Variants in TRIM33 observed in about 807,000 individuals in gnomAD.
TRIM33 encodes the protein E3 ubiquitin-protein ligase TRIM33.
Under a neutral mutation model 125.4 loss-of-function variants are expected in TRIM33, and 20 were observed. The ratio of observed to expected loss-of-function variants is 0.16; its 90% CI spans 0.11 to 0.23. TRIM33 has a LOEUF of 0.23. TRIM33 is among the 10% of genes least tolerant of loss of function. The pLI is 1.00. For missense variants in TRIM33, 920 were observed against 1,411.4 expected, an observed-to-expected ratio of 0.65 and a Z score of 5.58; for synonymous variants, 564 against 513.9, an observed-to-expected ratio of 1.10 and a Z score of -1.32.
chr1:114,502,668 G>A (rs975327473), intron 1 of TRIM33, among the ~76,000 whole-genome samples: 1 of 151,814 alleles, frequency 6.6e-6, no homozygotes, highest in Admixed American at 6.6e-5. Context: ...CACCACACTC[G>A]GATAATTTTT....
intron 1 of TRIM33, among the ~76,000 whole-genome samples, chr1:114,502,069 A>G (rs989779313): frequency 1.3e-5 from 2 of 152,242 alleles, no homozygotes; most frequent in Admixed American, 6.5e-5. Flanking sequence ...AGACTGTCAT[A>G]AACATGAAAA....
At chr1:114,474,039 C>T (rs536991913) in intron 1 of TRIM33, among the ~76,000 whole-genome samples, 4 of 152,030 alleles carry the variant, frequency 2.6e-5, no homozygotes, top group South Asian at 2.1e-4. Flanking sequence ...GTTAGGACTA[C>T]GGGCATACAC....
chr1:114,452,727 TAAAAAAAAAA>T (rs34364866), intron 4 of TRIM33, among the ~76,000 whole-genome samples: 2 of 107,726 alleles, frequency 1.9e-5, no homozygotes, highest in Non-Finnish European at 3.7e-5. Context: ...CCCCATCTCT[TAAAAAAAAAA>T]AAAAAAAAAA....
At chr1:114,491,203 A>G (rs751041941) in intron 1 of TRIM33, among the ~76,000 whole-genome samples, 6 of 152,340 alleles carry the variant, frequency 3.9e-5, no homozygotes, top group Non-Finnish European at 8.8e-5. Context: ...TATTAATATA[A>G]GATCAAATAG....
At chr1:114,499,716 T>C (rs1490140808) in intron 1 of TRIM33, among the ~76,000 whole-genome samples, 1 of 152,158 alleles carries the variant, frequency 6.6e-6, no homozygotes, top group East Asian at 1.9e-4. Context: ...CATAAAGCCC[T>C]AGTGAACAGG....
At chr1:114,412,248 T>C (rs191487143) in intron 11 of TRIM33, among the ~76,000 whole-genome samples, 1 of 152,354 alleles carries the variant, frequency 6.6e-6, no homozygotes, top group African/African-American at 2.4e-5. Context: ...AATTTAAATG[T>C]GTAATTACTT....
In TRIM33 at chr1:114,465,915, C is replaced by T. The variant is rs183268034; in HGVS notation, c.527-1527G>A. ...AAAGTCAGCCGGGTGTGGTGGCACG[C>T]GCCTGTATTCCCAGCTACTCAGGAG... On this transcript the variant is annotated intron_variant, in intron 1 of 19. Transcript: ENST00000358465. Among the ~76,000 whole-genome samples, 51 of 151,942 alleles carry T rather than the reference C, an allele frequency of 3.4e-4. 1 individual carries two copies. The East Asian group carries it at 8.9e-3, about 27-fold the overall frequency.
At chr1:114,411,965 C>A (rs1042938467) in intron 11 of TRIM33, among the ~76,000 whole-genome samples, 9 of 152,050 alleles carry the variant, frequency 5.9e-5, no homozygotes, top group African/African-American at 1.9e-4. Context: ...AGTAAAAACA[C>A]AGTCCAATAG....
chr1:114,511,108 GCGCCGCCCGCCGCCCGCGT>G lies in TRIM33; in HGVS notation c.-51_-33del. On this transcript the variant is annotated 5_prime_UTR_variant, in exon 1 of 20. Coordinates refer to ENST00000358465, the MANE Select transcript of TRIM33 (RefSeq NM_015906.4). ...CTCTTTGAACCCGCCGGACCGCCCC[GCGCCGCCCGCCGCCCGCGT>G]CGCCGCCGCCGCCGCCCCCAGCCCC... is the stretch of plus-strand genomic sequence containing the variant. 1 of 1,144,478 alleles carries G rather than the reference GCGCCGCCCGCCGCCCGCGT, an allele frequency of 8.7e-7. No homozygotes were observed. Among genetic ancestry groups the G allele is most frequent in the Non-Finnish European group, 1.1e-6 (1 of 935,416 alleles). 70.9% of individuals were successfully genotyped at this position (1,144,478 alleles called of 1,614,324 possible).
In TRIM33 at chr1:114,396,917, G is replaced by A. The variant is rs537200607; in HGVS notation, c.*731C>T. On this transcript the variant is annotated 3_prime_UTR_variant, in exon 20 of 20. Coordinates refer to ENST00000358465, the MANE Select transcript of TRIM33 (RefSeq NM_015906.4). ...GTACAATTGTGAGGAAGTGTTTTCTGGAAACAACTACTATAACTCTAAATA... is the reference window on the plus strand; with the variant it reads ...GTACAATTGTGAGGAAGTGTTTTCTAGAAACAACTACTATAACTCTAAATA... The A allele has an allele frequency of 4.7e-5, 10 of 213,758 alleles. No homozygotes were observed. The highest frequency in any genetic ancestry group is 2.3e-4 in the African/African-American group (10 of 44,390). 13.2% of individuals were successfully genotyped at this position (213,758 alleles called of 1,614,324 possible).
At chr1:114,439,586 T>C (rs554620979) in intron 4 of TRIM33, among the ~76,000 whole-genome samples, 7 of 146,718 alleles carry the variant, frequency 4.8e-5, no homozygotes, top group South Asian at 2.1e-4. Flanking sequence ...TTAATACATG[T>C]ATAATTGGCA....
At chr1:114,468,953 A>C (rs1650476703) in intron 1 of TRIM33, 1 of 225,396 alleles carries the variant, frequency 4.4e-6, no homozygotes, top group Non-Finnish European at 9.0e-6. Flanking sequence ...AAGAAAACTT[A>C]TTTTGTCAAC....
chr1:114,400,369 A>G (rs1189905964), intron 17 of TRIM33, among the ~76,000 whole-genome samples: 4 of 152,060 alleles, frequency 2.6e-5, no homozygotes, highest in Non-Finnish European at 5.9e-5. Context: ...ACGCCCGGCT[A>G]ATTTTTATAT....
chr1:114,397,900 C>G, intron 19 of TRIM33, 40 bp from the exon 20 acceptor site: 1 of 1,613,016 alleles, frequency 6.2e-7, no homozygotes, highest in South Asian at 1.1e-5. Flanking sequence ...ATTGGTAATG[C>G]ATATTCCTTC....
intron 1 of TRIM33, among the ~76,000 whole-genome samples, chr1:114,470,885 C>T (rs1242410572): frequency 2.0e-5 from 3 of 152,206 alleles, no homozygotes; most frequent in Admixed American, 1.3e-4. Flanking sequence ...GCTGAAGCTT[C>T]GACTTCCTGG....
In TRIM33 at chr1:114,407,199, A is replaced by G. The variant is rs749662214; in HGVS notation, c.2259-99T>C. 3.1e-4 allele frequency: 310 copies of G among 1,012,894 alleles called. 1 individual carries two copies. The highest frequency in any genetic ancestry group is 2.2e-4 in the Middle Eastern group (1 of 4,616). The allele number at this position is 1,012,894 out of a possible 1,614,324, so 62.7% of individuals were successfully genotyped here. A position where few individuals can be genotyped will look rare whatever the true frequency, so the allele number is the denominator to read the frequency against. On this transcript the variant is annotated intron_variant, in intron 13 of 19. Coordinates refer to ENST00000358465, the MANE Select transcript of TRIM33 (RefSeq NM_015906.4). ...TAATGTTCACTAAAGTGAAGACAAT[A>G]GACAATTAACTTTACAGAAGATAAG...
chr1:114,487,530 T>TGCC (rs1485586437), intron 1 of TRIM33, among the ~76,000 whole-genome samples: 1 of 151,752 alleles, frequency 6.6e-6, no homozygotes, highest in Non-Finnish European at 1.5e-5. Context: ...AAAGAAAACT[T>TGCC]GCCGTAACAG....
chr1:114,493,999 A>G (rs1056780147), intron 1 of TRIM33, among the ~76,000 whole-genome samples: 2 of 151,480 alleles, frequency 1.3e-5, no homozygotes, highest in African/African-American at 4.9e-5. Flanking sequence ...TCATTTTTCT[A>G]TTTTTAGTAG....
chr1:114,466,599 G>C (rs1042411048), intron 1 of TRIM33, among the ~76,000 whole-genome samples: 1 of 152,164 alleles, frequency 6.6e-6, no homozygotes. Context: ...GCGTGGCAAT[G>C]AGACTGATCT....
Sources: allele counts gnomAD v4.1 joint callset (sites outside exome capture counted in the v4.1 genomes callset), GRCh38; gene constraint gnomAD v4.1.1; transcripts MANE v1.5; gene names NCBI Gene and HGNC (gene_info 2026-07-23, HGNC 2026-07-21).